The following RAPGEF5 variants were observed in gnomAD, a reference collection of about 807,000 sequenced individuals.
RAPGEF5 encodes the protein M-Ras-regulated GEF.
Under a neutral mutation model 125.2 loss-of-function variants are expected in RAPGEF5, and 65 were observed. That is an observed-to-expected ratio of 0.52 (90% CI 0.43 to 0.64). RAPGEF5 has a LOEUF of 0.64. Among genes scored for constraint, RAPGEF5 ranks in the 30% least tolerant of loss-of-function variants. The probability of loss-of-function intolerance (pLI) is 0.00; values close to 1 mark genes in which losing one functional copy is unlikely to be tolerated. For synonymous variants in RAPGEF5, 391 were observed against 385.9 expected (o/e 1.01, Z -0.16); for missense variants, 958 against 1,048.1 (o/e 0.91, Z 1.19).
At chr7:22,186,846 A>G (rs1375437343) in intron 11 of RAPGEF5, among the ~76,000 whole-genome samples, 1 of 152,240 alleles carries the variant, frequency 6.6e-6, no homozygotes, top group Non-Finnish European at 1.5e-5. Context: ...TTCTCCTGCA[A>G]CACTATTTCT....
At chr7:22,227,739 G>A (rs568409112) in intron 8 of RAPGEF5, among the ~76,000 whole-genome samples, 1 of 152,288 alleles carries the variant, frequency 6.6e-6, no homozygotes, top group South Asian at 2.1e-4. Flanking sequence ...CTACTCAAGA[G>A]GCTGAGGTGG....
chr7:22,253,557 T>A (rs1398208868), intron 7 of RAPGEF5, among the ~76,000 whole-genome samples: 2 of 152,338 alleles, frequency 1.3e-5, no homozygotes, highest in East Asian at 1.9e-4. Flanking sequence ...AACAGACTCC[T>A]CTTATAACGT....
chr7:22,187,732 G>C (rs1430348936), intron 11 of RAPGEF5, among the ~76,000 whole-genome samples: 1 of 152,196 alleles, frequency 6.6e-6, no homozygotes, highest in Non-Finnish European at 1.5e-5. Context: ...GCGGACATGA[G>C]GCTGGACATA....
At chr7:22,251,775 C>CAAAAAAAAAAAAAAA (rs58681076) in intron 7 of RAPGEF5, among the ~76,000 whole-genome samples, 1 of 73,344 alleles carries the variant, frequency 1.4e-5, no homozygotes, top group Non-Finnish European at 2.5e-5. Context: ...GTTTCATTGA[C>CAAAAAAAAAAAAAAA]AAAAAAAAAA....
intron 8 of RAPGEF5, among the ~76,000 whole-genome samples, chr7:22,227,946 C>A (rs2128134011): frequency 6.6e-6 from 1 of 152,288 alleles, no homozygotes; most frequent in South Asian, 2.1e-4. Context: ...ATTCTTAAAT[C>A]CTTTTATCCT....
chr7:22,257,367 G>A (rs551426584), intron 7 of RAPGEF5, among the ~76,000 whole-genome samples: 10 of 152,236 alleles, frequency 6.6e-5, no homozygotes, highest in South Asian at 4.1e-4. Flanking sequence ...ATGGTTCTGC[G>A]TTTGATCACC....
intron 7 of RAPGEF5, among the ~76,000 whole-genome samples, chr7:22,262,886 A>G (rs146766685): frequency 2.1e-4 from 32 of 152,276 alleles, no homozygotes; most frequent in African/African-American, 7.2e-4. Context: ...ATTGCTTTAG[A>G]CTTCCTTGGT....
chr7:22,209,895 T>C (rs1405055136), intron 9 of RAPGEF5, among the ~76,000 whole-genome samples: 1 of 152,246 alleles, frequency 6.6e-6, no homozygotes, highest in Admixed American at 6.5e-5. Context: ...AAATTGCTTC[T>C]GATTACAGAG....
intron 12 of RAPGEF5, chr7:22,163,005 A>C: frequency 2.2e-6 from 1 of 456,774 alleles, no homozygotes; most frequent in South Asian, 1.6e-5. Flanking sequence ...CCAAATGAGT[A>C]TAGATTTCTG....
At chr7:22,347,381 A>C (rs1784242827) in intron 1 of RAPGEF5, among the ~76,000 whole-genome samples, 1 of 152,170 alleles carries the variant, frequency 6.6e-6, no homozygotes, top group South Asian at 2.1e-4. Flanking sequence ...TCTATAAACT[A>C]TGTAGCTATA....
chr7:22,341,767 G>C (rs923354399), intron 1 of RAPGEF5, among the ~76,000 whole-genome samples: 1 of 152,230 alleles, frequency 6.6e-6, no homozygotes, highest in African/African-American at 2.4e-5. Flanking sequence ...AGGTCATGCT[G>C]ATGCAAGACA....
intron 11 of RAPGEF5, among the ~76,000 whole-genome samples, chr7:22,184,506 C>T (rs527703743): frequency 3.7e-4 from 56 of 152,278 alleles, no homozygotes; most frequent in African/African-American, 1.3e-3. Flanking sequence ...AAATGCATTC[C>T]AATGATCCAT....
chr7:22,336,395 T>C (rs1334908264), intron 1 of RAPGEF5, among the ~76,000 whole-genome samples: 1 of 152,194 alleles, frequency 6.6e-6, no homozygotes, highest in Non-Finnish European at 1.5e-5. Context: ...TACTTAATTA[T>C]GAAGAAGGGT....
intron 24 of RAPGEF5, among the ~76,000 whole-genome samples, chr7:22,129,539 A>G (rs574748061): frequency 1.3e-5 from 2 of 152,344 alleles, no homozygotes; most frequent in Admixed American, 6.5e-5. Flanking sequence ...ACCTGCTTAG[A>G]GGCAAGAATT....
intron 12 of RAPGEF5, among the ~76,000 whole-genome samples, chr7:22,164,401 C>A (rs1263373563): frequency 3.7e-5 from 1 of 26,874 alleles, no homozygotes; most frequent in Non-Finnish European, 1.1e-4. Flanking sequence ...ATAATACCTT[C>A]ACTAATATAA....
chr7:22,224,835 CTTT>C (rs61426791), intron 8 of RAPGEF5, among the ~76,000 whole-genome samples: 17 of 140,086 alleles, frequency 1.2e-4, no homozygotes, highest in Admixed American at 1.4e-4. Context: ...TTTTGGTTTT[CTTT>C]TTTTTTTTTT....
intron 7 of RAPGEF5, among the ~76,000 whole-genome samples, chr7:22,248,222 G>A (rs113373773): frequency 1.6e-3 from 245 of 152,224 alleles, no homozygotes; most frequent in African/African-American, 5.5e-3. Context: ...AGAGGGGCCC[G>A]GATCATTCCA....
intron 8 of RAPGEF5, among the ~76,000 whole-genome samples, chr7:22,226,940 T>C (rs551915853): frequency 6.6e-6 from 1 of 152,318 alleles, no homozygotes; most frequent in East Asian, 1.9e-4. Context: ...AAATTTATGC[T>C]GTTATTTCCC....
At chr7:22,263,427 T>C (rs1782204720) in intron 7 of RAPGEF5, among the ~76,000 whole-genome samples, 1 of 152,202 alleles carries the variant, frequency 6.6e-6, no homozygotes, top group Non-Finnish European at 1.5e-5. Flanking sequence ...CATATCTGCA[T>C]ATTAATTTTA....
Sources: gnomAD v4.1 joint callset for allele counts (sites outside exome capture counted in the v4.1 genomes callset) on GRCh38, gnomAD v4.1.1 for gene constraint, MANE v1.5 for transcripts, NCBI Gene and HGNC (gene_info 2026-07-23, HGNC 2026-07-21) for gene names.